Variants in KIF11 observed in about 807,000 individuals in gnomAD.
The protein encoded by KIF11 is kinesin-like protein KIF11.
KIF11 carries 9 observed loss-of-function variants against 121.0 expected under a neutral mutation model. The ratio of observed to expected loss-of-function variants is 0.07; its 90% CI spans 0.04 to 0.13. KIF11 has a LOEUF of 0.13. Among genes scored for constraint, KIF11 ranks in the 10% least tolerant of loss-of-function variants. The probability of loss-of-function intolerance (pLI) is 1.00; values close to 1 mark genes in which losing one functional copy is unlikely to be tolerated. For missense variants in KIF11, 846 were observed against 1,217.5 expected (o/e 0.69, Z 4.54); for synonymous variants, 408 against 421.0 (o/e 0.97, Z 0.38).
At chr10:92,627,968 A>G (rs1464938580) in intron 10 of KIF11, among the ~76,000 whole-genome samples, 1 of 152,208 alleles carries the variant, frequency 6.6e-6, no homozygotes, top group East Asian at 1.9e-4. Context: ...TAAACCTTCT[A>G]CAGTCCATGA....
intron 10 of KIF11, 115 bp from the exon 11 acceptor site, chr10:92,628,693 A>G: frequency 1.8e-6 from 1 of 544,278 alleles, no homozygotes; most frequent in Non-Finnish European, 3.3e-6. Context: ...GTATCAAGTG[A>G]TGGTGATAAA....
At chr10:92,644,052 T>C (rs1844895300) in intron 17 of KIF11, among the ~76,000 whole-genome samples, 1 of 152,166 alleles carries the variant, frequency 6.6e-6, no homozygotes, top group Admixed American at 6.6e-5. Flanking sequence ...TCCATAGCCG[T>C]GGAGGAAATA....
chr10:92,603,787 C>T (rs1297074049), intron 1 of KIF11, among the ~76,000 whole-genome samples: 2 of 152,188 alleles, frequency 1.3e-5, no homozygotes, highest in African/African-American at 4.8e-5. Flanking sequence ...TGTGCCTGGC[C>T]TGCTTTATTT....
intron 6 of KIF11, among the ~76,000 whole-genome samples, chr10:92,612,574 G>T (rs1030248207): frequency 6.6e-6 from 1 of 152,244 alleles, no homozygotes; most frequent in Non-Finnish European, 1.5e-5. Flanking sequence ...TCTGATGACA[G>T]TCTCAAAGCA....
At chr10:92,611,398 G>A (rs941670426) in intron 6 of KIF11, among the ~76,000 whole-genome samples, 16 of 151,694 alleles carry the variant, frequency 1.1e-4, no homozygotes, top group Admixed American at 1.1e-3. Flanking sequence ...ATTTTTAGTA[G>A]AGACGGGGTT....
chr10:92,631,640 C>T (rs1844740223), intron 12 of KIF11, among the ~76,000 whole-genome samples: 1 of 151,322 alleles, frequency 6.6e-6, no homozygotes, highest in African/African-American at 2.4e-5. Context: ...GGATTACAGG[C>T]GTGAGCCACC....
In KIF11 at chr10:92,653,901, C is replaced by G; in HGVS notation, c.*105C>G. On this transcript the variant is annotated 3_prime_UTR_variant, in exon 22 of 22. Coordinates refer to ENST00000260731, the MANE Select transcript of KIF11 (RefSeq NM_004523.4). Reference sequence around the variant, plus strand: ...ATAGATTTTAAAAGAATATATATATCAGCCGGGCGCGGTGGCTCATGCCTG... The same window carrying G: ...ATAGATTTTAAAAGAATATATATATGAGCCGGGCGCGGTGGCTCATGCCTG... 9.8e-7 allele frequency: 1 copy of G among 1,020,284 alleles called. No homozygotes were observed. Among genetic ancestry groups the G allele is most frequent in the African/African-American group, 1.6e-5 (1 of 61,170 alleles). 63.2% of individuals were successfully genotyped at this position (1,020,284 alleles called of 1,614,324 possible). A position where few individuals can be genotyped will look rare whatever the true frequency, so the allele number is the denominator to read the frequency against.
chr10:92,607,381 A>G, intron 4 of KIF11, 144 bp downstream of exon 4: 1 of 570,584 alleles, frequency 1.8e-6, no homozygotes, highest in South Asian at 2.2e-5. Context: ...CTACAGTAAA[A>G]TTAAAGTGCA....
intron 16 of KIF11, among the ~76,000 whole-genome samples, chr10:92,639,416 C>T (rs1439695844): frequency 6.6e-6 from 1 of 152,010 alleles, no homozygotes; most frequent in African/African-American, 2.4e-5. Context: ...AGCGAGATCA[C>T]GTCTCTACAA....
intron 1 of KIF11, among the ~76,000 whole-genome samples, chr10:92,594,697 GC>G (rs1321552282): frequency 2.6e-5 from 4 of 152,048 alleles, no homozygotes; most frequent in Non-Finnish European, 4.4e-5. Context: ...CATTGCTGGA[GC>G]CCCCCTTTTC....
At chr10:92,628,706 T>C in intron 10 of KIF11, 102 bp from the exon 11 acceptor site, 1 of 581,618 alleles carries the variant, frequency 1.7e-6, no homozygotes, top group Non-Finnish European at 3.0e-6. Flanking sequence ...GTGATAAATG[T>C]TGGAAATGAG....
At chr10:92,628,124 T>C (rs1699396858) in intron 10 of KIF11, among the ~76,000 whole-genome samples, 1 of 152,098 alleles carries the variant, frequency 6.6e-6, no homozygotes, top group African/African-American at 2.4e-5. Context: ...TTTTTTATCA[T>C]CATGACTTGG....
Position 92,596,156 on chromosome 10 carries a change from A to G in KIF11, c.77+2704A>G, listed in dbSNP as rs188028251. On this transcript the variant is annotated intron_variant, in intron 1 of 21. Coordinates refer to ENST00000260731, the MANE Select transcript of KIF11 (RefSeq NM_004523.4). ...GGAGCTGGGACTACAGGCGCCTGCC[A>G]TCTCTCCCGGCTAATTTTTTGTATT... 3.9e-5 allele frequency among the ~76,000 whole-genome samples: 6 copies of G among 152,202 alleles called. No individual in the cohort carries two copies. In the East Asian group the frequency reaches 5.8e-4, roughly 15 times the overall value.
chr10:92,601,090 C>T (rs1261842517), intron 1 of KIF11, among the ~76,000 whole-genome samples: 2 of 152,198 alleles, frequency 1.3e-5, no homozygotes, highest in East Asian at 1.9e-4. Flanking sequence ...GAACTCCTGA[C>T]CTCGTGATCC....
chr10:92,635,172 G>T (rs1844783463), intron 14 of KIF11, among the ~76,000 whole-genome samples: 2 of 152,102 alleles, frequency 1.3e-5, no homozygotes, highest in African/African-American at 4.8e-5. Flanking sequence ...CATTTTCCAA[G>T]TAAATACTAC....
intron 6 of KIF11, among the ~76,000 whole-genome samples, chr10:92,611,369 C>T (rs575329440): frequency 2.0e-5 from 3 of 151,898 alleles, no homozygotes; most frequent in East Asian, 1.9e-4. Flanking sequence ...CCCACCACCA[C>T]GCCTGGCTAA....
chr10:92,643,555 A>ATT (rs368633432), intron 17 of KIF11, among the ~76,000 whole-genome samples: 3,902 of 123,384 alleles, frequency 0.032, 119 homozygotes, highest in African/African-American at 0.049. Context: ...TATCTACTAG[A>ATT]TTTTTTTTTT....
At chr10:92,628,720 G>A in intron 10 of KIF11, 88 bp from the exon 11 acceptor site, 5 of 650,256 alleles carry the variant, frequency 7.7e-6, no homozygotes, top group Non-Finnish European at 1.3e-5. Flanking sequence ...AAATGAGTTT[G>A]TGTAGCTGTC....
chr10:92,593,605 CT>C (rs1414854943), intron 1 of KIF11, among the ~76,000 whole-genome samples, 153 bp downstream of exon 1: 1 of 152,124 alleles, frequency 6.6e-6, no homozygotes, highest in Non-Finnish European at 1.5e-5. Flanking sequence ...CACCCGGTTG[CT>C]GTGTGTATGT....
Sources: allele counts gnomAD v4.1 joint callset (sites outside exome capture counted in the v4.1 genomes callset), GRCh38; gene constraint gnomAD v4.1.1; transcripts MANE v1.5; gene names NCBI Gene and HGNC (gene_info 2026-07-23, HGNC 2026-07-21).